Variants in KCNH1 observed in about 807,000 individuals in gnomAD.
The protein encoded by KCNH1 is potassium voltage-gated channel subfamily H member 1, also known as voltage-gated delayed rectifier potassium channel KCNH1.
Under a neutral mutation model 69.2 loss-of-function variants are expected in KCNH1, and 27 were observed. The ratio of observed to expected loss-of-function variants is 0.39; its 90% CI spans 0.29 to 0.54. The LOEUF is 0.54. KCNH1 is among the 20% of genes least tolerant of loss of function. The pLI is 0.68. For synonymous variants in KCNH1, 456 were observed against 487.7 expected, an observed-to-expected ratio of 0.93 and a Z score of 0.86; for missense variants, 798 against 1,261.6, an observed-to-expected ratio of 0.63 and a Z score of 5.57.
intron 7 of KCNH1, among the ~76,000 whole-genome samples, chr1:210,815,727 A>G (rs762378985): frequency 1.3e-5 from 2 of 152,114 alleles, no homozygotes; most frequent in Non-Finnish European, 2.9e-5. Flanking sequence ...TTGAGATAGC[A>G]GCTGATTTCT....
At chr1:210,988,153 G>C (rs758346646) in intron 6 of KCNH1, among the ~76,000 whole-genome samples, 1 of 152,208 alleles carries the variant, frequency 6.6e-6, no homozygotes, top group African/African-American at 2.4e-5. Flanking sequence ...TAGGGTGGGA[G>C]TGATCCAATT....
intron 10 of KCNH1, among the ~76,000 whole-genome samples, chr1:210,718,954 T>C (rs1305758948): frequency 2.0e-5 from 3 of 151,900 alleles, no homozygotes; most frequent in Non-Finnish European, 4.4e-5. Context: ...TCAAAAACCA[T>C]TTTCAGATTT....
At chr1:210,960,665 T>C (rs1287167942) in intron 6 of KCNH1, among the ~76,000 whole-genome samples, 3 of 152,200 alleles carry the variant, frequency 2.0e-5, no homozygotes, top group Admixed American at 1.3e-4. Flanking sequence ...CCATTACCTA[T>C]TGAGGATGTT....
intron 7 of KCNH1, among the ~76,000 whole-genome samples, chr1:210,884,750 T>A (rs986490050): frequency 6.6e-6 from 1 of 152,204 alleles, no homozygotes; most frequent in South Asian, 2.1e-4. Context: ...CTGCTAGATA[T>A]CTCTCCACAA....
chr1:211,087,844 A>G (rs1690984849), intron 4 of KCNH1, among the ~76,000 whole-genome samples: 2 of 152,214 alleles, frequency 1.3e-5, no homozygotes, highest in Admixed American at 6.5e-5. Context: ...CTGGTACACC[A>G]AATGACAGAG....
At chr1:210,845,310 A>T (rs1185459895) in intron 7 of KCNH1, among the ~76,000 whole-genome samples, 1 of 152,232 alleles carries the variant, frequency 6.6e-6, no homozygotes, top group African/African-American at 2.4e-5. Flanking sequence ...CTTGATGAAC[A>T]TCGATGCAAA....
Position 210,681,923 on chromosome 1 carries a change from C to T in KCNH1, c.*1358G>A, listed in dbSNP as rs1397705661. On this transcript the variant is annotated 3_prime_UTR_variant, in exon 11 of 11. Coordinates refer to ENST00000271751, the MANE Select transcript of KCNH1 (RefSeq NM_172362.3). ...TTTCTCAGATGCCATTGAGAGAAGC[C>T]CAAGCACATGAATAACCTGACTTAG... The T allele has an allele frequency of 6.6e-6, 1 of 152,230 alleles. No homozygotes were observed. Among genetic ancestry groups the T allele is most frequent in the African/African-American group, 2.4e-5 (1 of 41,406 alleles). The allele number at this position is 152,230 out of a possible 1,614,324, so 9.4% of individuals were successfully genotyped here.
At chr1:210,708,531 A>G (rs138881805) in intron 10 of KCNH1, among the ~76,000 whole-genome samples, 29 of 152,258 alleles carry the variant, frequency 1.9e-4, no homozygotes, top group Non-Finnish European at 3.2e-4. Context: ...GTCTCCATAA[A>G]TTGACCCTAT....
intron 10 of KCNH1, among the ~76,000 whole-genome samples, chr1:210,773,464 G>C (rs919595284): frequency 7.2e-5 from 11 of 152,216 alleles, no homozygotes; most frequent in Admixed American, 2.0e-4. Flanking sequence ...TCAGGTCTCT[G>C]TGCAGGGACC....
intron 10 of KCNH1, among the ~76,000 whole-genome samples, chr1:210,733,580 G>A (rs767244746): frequency 1.4e-4 from 22 of 152,178 alleles, no homozygotes; most frequent in African/African-American, 2.9e-4. Context: ...AGGCATTGCC[G>A]TCTGAGAAGG....
chr1:210,762,555 C>G (rs1683543881), intron 10 of KCNH1, among the ~76,000 whole-genome samples: 1 of 152,076 alleles, frequency 6.6e-6, no homozygotes. Flanking sequence ...CAACCAATCC[C>G]ACAGAAATAT....
intron 6 of KCNH1, among the ~76,000 whole-genome samples, chr1:210,930,743 T>C (rs1255751608): frequency 2.6e-5 from 4 of 152,088 alleles, no homozygotes; most frequent in African/African-American, 4.8e-5. Context: ...GCAGAGTTAA[T>C]AGACAACCCA....
intron 2 of KCNH1, 103 bp downstream of exon 2, chr1:211,107,151 C>T (rs1201687635): frequency 7.7e-7 from 1 of 1,291,924 alleles, no homozygotes; most frequent in East Asian, 2.3e-5. Context: ...TGTGAATACA[C>T]ACTAAATGAG....
At chr1:210,828,580 G>A (rs1046897758) in intron 7 of KCNH1, among the ~76,000 whole-genome samples, 1 of 152,066 alleles carries the variant, frequency 6.6e-6, no homozygotes, top group Non-Finnish European at 1.5e-5. Context: ...CTTATTTACT[G>A]TACAAGCCCT....
chr1:210,844,421 AC>A (rs1416602816), intron 7 of KCNH1, among the ~76,000 whole-genome samples: 5 of 152,116 alleles, frequency 3.3e-5, no homozygotes, highest in African/African-American at 1.2e-4. Flanking sequence ...GGATTAAGAA[AC>A]TCACTCAAAA....
intron 9 of KCNH1, among the ~76,000 whole-genome samples, chr1:210,778,529 T>TGAAA (rs776530852): frequency 2.3e-5 from 1 of 44,222 alleles, no homozygotes; most frequent in Non-Finnish European, 5.6e-5. Context: ...AGACTCTGTC[T>TGAAA]CAAAAAAAAA....
intron 6 of KCNH1, among the ~76,000 whole-genome samples, chr1:211,012,419 T>C (rs1298920574): frequency 6.6e-6 from 1 of 152,174 alleles, no homozygotes; most frequent in Non-Finnish European, 1.5e-5. Flanking sequence ...TTGCTATTGC[T>C]AAATAAATCA....
chr1:211,077,486 GA>G (rs1332933919), intron 5 of KCNH1, among the ~76,000 whole-genome samples: 1 of 152,142 alleles, frequency 6.6e-6, no homozygotes, highest in African/African-American at 2.4e-5. Flanking sequence ...TTTCAACCCA[GA>G]AGTTCATATC....
chr1:210,735,523 T>C (rs992438721), intron 10 of KCNH1, among the ~76,000 whole-genome samples: 2 of 151,510 alleles, frequency 1.3e-5, no homozygotes, highest in African/African-American at 4.9e-5. Flanking sequence ...GAAAGATATA[T>C]TTGCCTAGCA....
Sources: gnomAD v4.1 joint callset for allele counts (sites outside exome capture counted in the v4.1 genomes callset) on GRCh38, gnomAD v4.1.1 for gene constraint, MANE v1.5 for transcripts, NCBI Gene and HGNC (gene_info 2026-07-23, HGNC 2026-07-21) for gene names.